C6: variants seen among roughly 807,000 people sequenced by gnomAD.
The protein encoded by C6 is complement component C6.
C6 carries 101 observed loss-of-function variants against 112.9 expected under a neutral mutation model. The observed-to-expected ratio is 0.89, with a 90% CI of 0.76 to 1.06. C6 has a LOEUF of 1.06. C6 is among the 50% of genes least tolerant of loss of function. The pLI, the probability that C6 is intolerant of heterozygous loss-of-function variation, is 0.00. For synonymous variants in C6, 431 were observed against 384.1 expected, an observed-to-expected ratio of 1.12 and a Z score of -1.43; for missense variants, 1,202 against 1,104.6, an observed-to-expected ratio of 1.09 and a Z score of -1.25.
At chr5:41,183,065 C>T (rs1749477209) in intron 6 of C6, among the ~76,000 whole-genome samples, 1 of 152,146 alleles carries the variant, frequency 6.6e-6, no homozygotes, top group Non-Finnish European at 1.5e-5. Context: ...GGAAGAAAGC[C>T]CTGATTTGCT....
At chr5:41,256,428 T>TAA (rs1335317746) in intron 1 of C6, among the ~76,000 whole-genome samples, 1,074 of 35,842 alleles carry the variant, frequency 0.03, 34 homozygotes, top group African/African-American at 0.086. Context: ...TAAAGTATAA[T>TAA]TAAAAAAAAA....
At chr5:41,219,703 G>A (rs143958756) in intron 1 of C6, among the ~76,000 whole-genome samples, 52 of 152,268 alleles carry the variant, frequency 3.4e-4, no homozygotes, top group African/African-American at 1.1e-3. Context: ...AGAAAGACAT[G>A]CTGTGTTGTC....
At chr5:41,226,889 G>A (rs996246976) in intron 1 of C6, among the ~76,000 whole-genome samples, 2 of 151,956 alleles carry the variant, frequency 1.3e-5, no homozygotes, top group South Asian at 4.2e-4. Flanking sequence ...CCATATCTTG[G>A]TTATTGTAAA....
intron 5 of C6, among the ~76,000 whole-genome samples, chr5:41,194,854 C>T (rs1314786054): frequency 6.6e-6 from 1 of 152,150 alleles, no homozygotes; most frequent in African/African-American, 2.4e-5. Flanking sequence ...CCAGTGTGCT[C>T]ATGATTGGGT....
At chr5:41,234,191 C>T (rs967316420) in intron 1 of C6, among the ~76,000 whole-genome samples, 1 of 152,026 alleles carries the variant, frequency 6.6e-6, no homozygotes, top group Non-Finnish European at 1.5e-5. Context: ...AAGTAGAAAA[C>T]ACTATGTAAT....
intron 1 of C6, among the ~76,000 whole-genome samples, chr5:41,222,241 C>T (rs1739220144): frequency 6.6e-6 from 1 of 151,298 alleles, no homozygotes; most frequent in South Asian, 2.1e-4. Flanking sequence ...GTTTTGAAAA[C>T]TATTACTGTG....
At chr5:41,197,040 G>A (rs1750673492) in intron 4 of C6, among the ~76,000 whole-genome samples, 1 of 152,118 alleles carries the variant, frequency 6.6e-6, no homozygotes, top group Non-Finnish European at 1.5e-5. Flanking sequence ...ATTATTTTAA[G>A]ATGTGATTAG....
rs1000176901 is a variant in C6 at position 41,239,467 on chromosome 5, T to G, written c.-21+21727A>C. Among the ~76,000 whole-genome samples the G allele has an allele frequency of 1.4e-4, 22 of 152,224 alleles. No homozygotes were observed. In the East Asian group the frequency reaches 4.3e-3, roughly 29 times the overall value. ...GTTTCAAGTCATCTCCTCTAGCTATTCTGAAATACACAATACATTGTTGTT... is the reference window on the plus strand; with the variant it reads ...GTTTCAAGTCATCTCCTCTAGCTATGCTGAAATACACAATACATTGTTGTT... On this transcript the variant is annotated intron_variant, in intron 1 of 17. Transcript: ENST00000263413.
chr5:41,179,462 T>C (rs1265510651), intron 7 of C6, among the ~76,000 whole-genome samples: 1 of 151,946 alleles, frequency 6.6e-6, no homozygotes, highest in African/African-American at 2.4e-5. Context: ...TATATTATAC[T>C]GAGCTAGGGA....
chr5:41,159,101 A>C lies in C6; in HGVS notation c.1837T>G (p.Phe613Val). 1 of 1,613,656 alleles carries C rather than the reference A, an allele frequency of 6.2e-7. No homozygotes were observed. The highest frequency in any genetic ancestry group is 1.1e-5 in the South Asian group (1 of 91,076). ...GEKRQEEDCT[F>V]SIMENNGQPC... The stretch of plus-strand genomic sequence containing the variant: ...CCTTACTTGTTTTCCATGATTGAAA[A>C]TGTGCAGTCTTCCTCTTGTCGCTTC... The change falls in exon 12 of 18, where the codon TTT becomes GTT. Residue 613 changes from phenylalanine (F) to valine (V), a missense_variant. Phe to Val is a conservative substitution (Grantham distance 50). Transcript: ENST00000337836.
rs189218324 is a variant in C6 at position 41,230,290 on chromosome 5, T to A, written c.-20-27040A>T. On this transcript the variant is annotated intron_variant, in intron 1 of 17. Coordinates refer to the C6 transcript ENST00000263413. ...CAGAATAGAGCCATATTTTTCTTCT[T>A]GCAGAGAGCCTATAAACAGACGTGC... Among the ~76,000 whole-genome samples the A allele has an allele frequency of 3.0e-3, 453 of 152,214 alleles. 2 individuals are homozygous for A. The highest frequency in any genetic ancestry group is 6.8e-3 in the Middle Eastern group (2 of 294).
intron 1 of C6, among the ~76,000 whole-genome samples, chr5:41,207,704 A>G (rs1171587841): frequency 1.3e-5 from 2 of 152,226 alleles, no homozygotes; most frequent in African/African-American, 4.8e-5. Flanking sequence ...CGCACCCAAT[A>G]TAGGAGCACT....
At chr5:41,188,631 A>G (rs1019913204) in intron 5 of C6, among the ~76,000 whole-genome samples, 11 of 151,928 alleles carry the variant, frequency 7.2e-5, no homozygotes, top group African/African-American at 2.7e-4. Flanking sequence ...AAAATAGATA[A>G]TAGAACCTAA....
intron 1 of C6, among the ~76,000 whole-genome samples, chr5:41,206,466 TA>T (rs1325290910): frequency 6.6e-6 from 1 of 152,116 alleles, no homozygotes; most frequent in African/African-American, 2.4e-5. Flanking sequence ...GCAAAGAGGC[TA>T]AAAACCTTGA....
intron 9 of C6, among the ~76,000 whole-genome samples, chr5:41,167,336 A>G (rs951100259): frequency 1.3e-5 from 2 of 152,152 alleles, no homozygotes; most frequent in African/African-American, 4.8e-5. Context: ...AGGATTCAGA[A>G]TCACAGAATT....
intron 7 of C6, among the ~76,000 whole-genome samples, chr5:41,178,723 A>C (rs1392845480): frequency 6.6e-6 from 1 of 151,922 alleles, no homozygotes; most frequent in Non-Finnish European, 1.5e-5. Context: ...TGATCTGCCT[A>C]CCTCAGTCCT....
intron 1 of C6, among the ~76,000 whole-genome samples, chr5:41,209,484 T>C (rs9800200): frequency 0.2 from 30,773 of 152,088 alleles, 3,925 homozygotes; most frequent in African/African-American, 0.37. Flanking sequence ...ATCATCTCAG[T>C]CCAAAATCTC....
In C6 at chr5:41,218,596, C is replaced by T. The variant is rs565866544; in HGVS notation, c.-20-15346G>A. Among the ~76,000 whole-genome samples, 16 of 152,088 alleles carry T rather than the reference C, an allele frequency of 1.1e-4. No homozygotes were observed. The South Asian group carries it at 2.5e-3, about 24-fold the overall frequency. On this transcript the variant is annotated intron_variant, in intron 1 of 17. Transcript: ENST00000263413. Reference sequence around the variant, plus strand: ...TTTCTTGAAGAAAATCTGTCCAGCCCGATCTCACAAAATTTAATCCTGTAG... The same window carrying T: ...TTTCTTGAAGAAAATCTGTCCAGCCTGATCTCACAAAATTTAATCCTGTAG...
chr5:41,151,739 CA>C (rs1471246545), intron 15 of C6, among the ~76,000 whole-genome samples: 2 of 151,290 alleles, frequency 1.3e-5, no homozygotes, highest in East Asian at 3.9e-4. Flanking sequence ...AGGAGCCTAC[CA>C]AAAATAGAGG....
Sources: gnomAD v4.1 joint callset for allele counts (sites outside exome capture counted in the v4.1 genomes callset) on GRCh38, gnomAD v4.1.1 for gene constraint, MANE v1.5 for transcripts, NCBI Gene and HGNC (gene_info 2026-07-23, HGNC 2026-07-21) for gene names.